Variants in SPTLC2 observed in about 807,000 individuals in gnomAD.
SPTLC2 encodes the protein serine palmitoyltransferase 2.
SPTLC2 carries 21 observed loss-of-function variants against 62.0 expected under a neutral mutation model. That is an observed-to-expected ratio of 0.34 (90% confidence interval 0.24 to 0.49). The LOEUF (loss-of-function observed/expected upper bound fraction) is 0.49, where lower values mean the gene tolerates loss of function less well. Among genes scored for constraint, SPTLC2 ranks in the 20% least tolerant of loss-of-function variants. The probability of loss-of-function intolerance (pLI) is 0.99; values close to 1 mark genes in which losing one functional copy is unlikely to be tolerated. For synonymous variants in SPTLC2, 261 were observed against 261.8 expected, an observed-to-expected ratio of 1.00 and a Z score of 0.03; for missense variants, 511 against 713.0, an observed-to-expected ratio of 0.72 and a Z score of 3.23.
intron 1 of SPTLC2, 78 bp downstream of exon 1, chr14:77,616,370 C>G: frequency 1.1e-6 from 1 of 936,314 alleles, no homozygotes; most frequent in Non-Finnish European, 1.4e-6. Flanking sequence ...GCGGATGGCC[C>G]GGAGACCTCG....
intron 9 of SPTLC2, among the ~76,000 whole-genome samples, chr14:77,543,134 C>T (rs1195504855): frequency 6.6e-6 from 1 of 152,184 alleles, no homozygotes; most frequent in Non-Finnish European, 1.5e-5. Context: ...ACTGCAACCT[C>T]CACCTCCCGG....
chr14:77,576,469 T>C (rs558452101), intron 4 of SPTLC2, among the ~76,000 whole-genome samples: 2 of 152,286 alleles, frequency 1.3e-5, no homozygotes, highest in Admixed American at 6.5e-5. Flanking sequence ...TCTTAACCAC[T>C]AACATTTGCA....
rs1243373311 is a variant in SPTLC2, at chr14:77,507,570, A to C, written c.*4714T>G. 6.6e-6 allele frequency: 1 copy of C among 151,524 alleles called. No homozygotes were observed. Among genetic ancestry groups the C allele is most frequent in the Non-Finnish European group, 1.5e-5 (1 of 67,954 alleles). The allele number at this position is 151,524 out of a possible 1,614,324, so 9.4% of individuals were successfully genotyped here. ...TGTTCTCGAACTCCTGGCCTCAAGC[A>C]ATCTGCCTGCTTCAGCCTCCCAAAG... On this transcript the variant is annotated 3_prime_UTR_variant, in exon 12 of 12. Transcript: ENST00000216484.
At chr14:77,602,362 T>C (rs1445097883) in intron 1 of SPTLC2, among the ~76,000 whole-genome samples, 1 of 152,136 alleles carries the variant, frequency 6.6e-6, no homozygotes. Context: ...GATACTCCTC[T>C]TCTATTACCT....
chr14:77,539,269 G>C (rs1300203782), intron 9 of SPTLC2, among the ~76,000 whole-genome samples: 1 of 151,640 alleles, frequency 6.6e-6, no homozygotes, highest in Non-Finnish European at 1.5e-5. Flanking sequence ...TTATCTTCTA[G>C]GGAGATATTA....
intron 9 of SPTLC2, among the ~76,000 whole-genome samples, chr14:77,536,457 G>A (rs763936842): frequency 1.3e-5 from 2 of 151,586 alleles, no homozygotes; most frequent in Non-Finnish European, 2.9e-5. Context: ...TATATCACGT[G>A]CCATAAAATT....
intron 9 of SPTLC2, among the ~76,000 whole-genome samples, chr14:77,546,586 G>C (rs2299913): frequency 0.19 from 29,480 of 152,004 alleles, 2,939 homozygotes; most frequent in East Asian, 0.31. Flanking sequence ...TCTGAGACTA[G>C]TTCTTCCCGG....
At chr14:77,588,715 T>A (rs981089119) in intron 2 of SPTLC2, among the ~76,000 whole-genome samples, 4 of 136,286 alleles carry the variant, frequency 2.9e-5, no homozygotes. Context: ...AAAAAAAAAA[T>A]CTGGCCCAGG....
At chr14:77,550,918 G>A (rs201659405) in intron 9 of SPTLC2, among the ~76,000 whole-genome samples, 355 of 138,504 alleles carry the variant, frequency 2.6e-3, no homozygotes, top group Non-Finnish European at 3.1e-3. Context: ...ACAAAAACCA[G>A]AAAAAAAAAA....
intron 1 of SPTLC2, among the ~76,000 whole-genome samples, chr14:77,597,773 C>CA (rs771918353): frequency 0.06 from 5,317 of 88,032 alleles, 120 homozygotes; most frequent in Middle Eastern, 0.12. Context: ...GACTCCGTGT[C>CA]AAAAAAAAAA....
intron 3 of SPTLC2, chr14:77,578,676 C>T (rs1429967645): frequency 2.3e-5 from 8 of 344,490 alleles, no homozygotes; most frequent in African/African-American, 6.5e-5. Context: ...GCTGAGATCA[C>T]GCCACTGCAC....
At chr14:77,560,150 T>G in intron 6 of SPTLC2, among the ~76,000 whole-genome samples, 1 of 152,232 alleles carries the variant, frequency 6.6e-6, no homozygotes, top group Non-Finnish European at 1.5e-5. Context: ...ATAGCCTATG[T>G]TGGCCAGTGA....
Position 77,597,354 on chromosome 14 carries a change from T to G in SPTLC2, c.159A>C (p.Gly53=). The G allele has an allele frequency of 6.2e-7, 1 of 1,614,174 alleles. No homozygotes were observed. The highest frequency in any genetic ancestry group is 8.5e-7 in the Non-Finnish European group (1 of 1,179,992). ...CTTCATTAAACGGTCTTTTATATAG[T>G]CCTCCATTTTGTGTAACATGATGGA... The part of the protein sequence containing the change: ...GQIHHVTQNG[G]LYKRPFNEAF... The change falls in exon 2 of 12, where the codon GGA becomes GGC. Residue 53 remains glycine (G), a synonymous_variant. Coordinates refer to ENST00000216484, the MANE Select transcript of SPTLC2 (RefSeq NM_004863.4).
intron 5 of SPTLC2, among the ~76,000 whole-genome samples, chr14:77,565,163 A>C (rs985099291): frequency 1.4e-5 from 2 of 144,568 alleles, no homozygotes; most frequent in Non-Finnish European, 3.0e-5. Flanking sequence ...AATTGCTTGA[A>C]CCCAGGAAGC....
intron 6 of SPTLC2, among the ~76,000 whole-genome samples, chr14:77,560,334 T>C (rs2079607826): frequency 6.6e-6 from 1 of 152,164 alleles, no homozygotes; most frequent in African/African-American, 2.4e-5. Context: ...ATGCCTATAA[T>C]CCCAGTACTG....
chr14:77,545,583 T>C (rs879560448), intron 9 of SPTLC2, among the ~76,000 whole-genome samples: 1 of 152,196 alleles, frequency 6.6e-6, no homozygotes, highest in Admixed American at 6.5e-5. Flanking sequence ...ATCAGGTTCT[T>C]ACTTTGAGCA....
In SPTLC2 at chr14:77,561,751, G is replaced by A. The variant is rs78113717; in HGVS notation, c.850+645C>T. On this transcript the variant is annotated intron_variant, in intron 6 of 11. Coordinates refer to ENST00000216484, the MANE Select transcript of SPTLC2 (RefSeq NM_004863.4). ...ATCATCTATGATCCTTCCATCCACG[G>A]GTACACACCTAACATTTTGGTATAC... Among the ~76,000 whole-genome samples the A allele has an allele frequency of 6.3e-3, 955 of 152,076 alleles. 1 individual carries two copies. Among genetic ancestry groups the A allele is most frequent in the Non-Finnish European group, 9.7e-3 (662 of 67,988 alleles).
At chr14:77,591,433 T>C (rs547260997) in intron 2 of SPTLC2, among the ~76,000 whole-genome samples, 14 of 152,338 alleles carry the variant, frequency 9.2e-5, no homozygotes, top group Admixed American at 3.9e-4. Context: ...TCTGTAGATA[T>C]ACTAAAAACC....
intron 1 of SPTLC2, among the ~76,000 whole-genome samples, chr14:77,611,522 C>A (rs1187592592): frequency 1.3e-5 from 2 of 150,730 alleles, no homozygotes; most frequent in South Asian, 4.2e-4. Flanking sequence ...TTACAATAGA[C>A]CACATTAAAA....
Sources: gnomAD v4.1 joint callset for allele counts (sites outside exome capture counted in the v4.1 genomes callset) on GRCh38, gnomAD v4.1.1 for gene constraint, MANE v1.5 for transcripts, NCBI Gene and HGNC (gene_info 2026-07-23, HGNC 2026-07-21) for gene names.